Variants in ROR1 observed in about 807,000 individuals in gnomAD.
The protein encoded by ROR1 is ROR family WNT receptor 1, also known as inactive tyrosine-protein kinase transmembrane receptor ROR1.
Under a neutral mutation model 78.8 loss-of-function variants are expected in ROR1, and 19 were observed. The ratio of observed to expected loss-of-function variants is 0.24; its 90% CI spans 0.17 to 0.35. The LOEUF (loss-of-function observed/expected upper bound fraction) is 0.35, where lower values mean the gene tolerates loss of function less well. ROR1 is among the 10% of genes least tolerant of loss of function. The probability of loss-of-function intolerance (pLI) is 1.00; values close to 1 mark genes in which losing one functional copy is unlikely to be tolerated. For synonymous variants in ROR1, 386 were observed against 433.6 expected (o/e 0.89, Z 1.36); for missense variants, 917 against 1,177.8 (o/e 0.78, Z 3.24).
intron 1 of ROR1, among the ~76,000 whole-genome samples, chr1:63,852,717 G>A (rs1645122104): frequency 6.6e-6 from 1 of 152,232 alleles, no homozygotes; most frequent in Non-Finnish European, 1.5e-5. Flanking sequence ...TTCACTGGGA[G>A]AGTGTAGTTG....
In ROR1 at chr1:64,059,365, T is replaced by C. The variant is rs560040348; in HGVS notation, c.482+8649T>C. Among the ~76,000 whole-genome samples, 8 of 152,316 alleles carry C rather than the reference T, an allele frequency of 5.3e-5. No homozygotes were observed. The South Asian group carries it at 8.3e-4, about 16-fold the overall frequency. ...GTTTTTGCCGTTTGTTTGGTGAATT[T>C]CCTGAATTAATTCTGTATAGTCTGT... On this transcript the variant is annotated intron_variant, in intron 4 of 8. Coordinates refer to ENST00000371079, the MANE Select transcript of ROR1 (RefSeq NM_005012.4).
intron 4 of ROR1, among the ~76,000 whole-genome samples, chr1:64,133,492 C>G (rs1648993683): frequency 6.6e-6 from 1 of 152,170 alleles, no homozygotes; most frequent in Non-Finnish European, 1.5e-5. Context: ...AAGGAGGAGA[C>G]CCTGGAGGTG....
intron 1 of ROR1, among the ~76,000 whole-genome samples, chr1:63,823,846 C>G (rs1644938344): frequency 6.6e-6 from 1 of 151,914 alleles, no homozygotes; most frequent in Non-Finnish European, 1.5e-5. Flanking sequence ...CTCCCGGGTT[C>G]AAGCCATTCT....
rs933760983 is a variant in ROR1 at position 63,774,480 on chromosome 1, G to C, written c.63G>C (p.Leu21=). The C allele has an allele frequency of 1.3e-4, 145 of 1,158,134 alleles. No individual in the cohort carries two copies. The highest frequency in any genetic ancestry group is 1.5e-4 in the Non-Finnish European group (140 of 945,454). 71.7% of individuals were successfully genotyped at this position (1,158,134 alleles called of 1,614,324 possible). The change falls in exon 1 of 9, where the codon CTG becomes CTC. Residue 21 remains leucine (L), a synonymous_variant. Transcript: ENST00000371079. This position sits in a 1 kb window ranked among gnomAD's most constrained non-coding sequence, Gnocchi z 5.7. The stretch of plus-strand genomic sequence containing the variant: ...TCCTGGCGCTGCTGGCCGCGCTGCT[G>C]CTGGCCGCACGCGGGGCTGCTGCCC... ...PPLLALLAAL[L]LAARGAAAQE...
Position 64,178,122 on chromosome 1 carries a change from A to T in ROR1, c.2081A>T (p.Tyr694Phe). The part of the protein sequence containing the change: ...EIFSFGLQPY[Y>F]GFSNQEVIEM... ...TTCAGTTTTGGACTCCAGCCATATT[A>T]TGGATTCAGTAACCAGGAAGTGATT... The change falls in exon 9 of 9, where the codon TAT becomes TTT. Residue 694 changes from tyrosine (Y) to phenylalanine (F), a missense_variant. Physicochemically the swap from Tyr to Phe is conservative, Grantham distance 22. Transcript: ENST00000371079. The surrounding 1 kb of genome is among the most constrained non-coding windows in gnomAD (Gnocchi z 4.3). 6.2e-7 allele frequency: 1 copy of T among 1,614,104 alleles called. No individual in the cohort carries two copies. The highest frequency in any genetic ancestry group is 1.1e-5 in the South Asian group (1 of 91,080).
chr1:64,126,345 C>A (rs960512164), intron 4 of ROR1, among the ~76,000 whole-genome samples: 1 of 152,108 alleles, frequency 6.6e-6, no homozygotes, highest in Non-Finnish European at 1.5e-5. Context: ...TGCCAGTGGA[C>A]TTTATACAAT....
chr1:64,128,197 G>A (rs1353222419), intron 4 of ROR1, among the ~76,000 whole-genome samples: 2 of 145,996 alleles, frequency 1.4e-5, no homozygotes, highest in Admixed American at 7.2e-5. Flanking sequence ...GCTCATGCCT[G>A]TAATCTCAGC....
intron 4 of ROR1, among the ~76,000 whole-genome samples, chr1:64,067,897 A>G (rs1203594601): frequency 1.3e-5 from 2 of 151,994 alleles, no homozygotes; most frequent in Non-Finnish European, 2.9e-5. Context: ...TATTTTTAGT[A>G]GAGACGGGGT....
At chr1:64,034,323 G>T (rs894541325) in intron 2 of ROR1, among the ~76,000 whole-genome samples, 1 of 151,830 alleles carries the variant, frequency 6.6e-6, no homozygotes. Flanking sequence ...AATTTTTTTA[G>T]CCACAGTACA....
chr1:63,843,166 C>T, intron 1 of ROR1: 4 of 1,073,206 alleles, frequency 3.7e-6, no homozygotes, highest in Non-Finnish European at 5.7e-6. Flanking sequence ...CTGCCAGATG[C>T]TCCAGGCAGG....
chr1:63,860,256 A>G (rs1270744591), intron 1 of ROR1, among the ~76,000 whole-genome samples: 1 of 152,170 alleles, frequency 6.6e-6, no homozygotes, highest in Non-Finnish European at 1.5e-5. Context: ...ATTGGATTTA[A>G]TTGGTTATGA....
intron 8 of ROR1, among the ~76,000 whole-genome samples, chr1:64,164,018 T>C (rs115833204): frequency 0.023 from 3,337 of 147,588 alleles, 45 homozygotes; most frequent in Middle Eastern, 0.053. Flanking sequence ...TTTGATATTC[T>C]TAACCACCAT....
chr1:64,054,343 C>A (rs866448989), intron 4 of ROR1, among the ~76,000 whole-genome samples: 1 of 151,928 alleles, frequency 6.6e-6, no homozygotes, highest in Non-Finnish European at 1.5e-5. Context: ...AGTGGCATGA[C>A]CTTGGCTCAC....
intron 1 of ROR1, among the ~76,000 whole-genome samples, chr1:63,937,359 T>G (rs1302843316): frequency 1.3e-5 from 2 of 152,208 alleles, no homozygotes; most frequent in Non-Finnish European, 2.9e-5. Context: ...GACTTGCTCT[T>G]CTTCCACTCT....
At chr1:64,079,178 C>T (rs932701907) in intron 4 of ROR1, among the ~76,000 whole-genome samples, 1 of 152,126 alleles carries the variant, frequency 6.6e-6, no homozygotes, top group South Asian at 2.1e-4. Context: ...AGATTCTCTA[C>T]CCCCAAACAT....
intron 1 of ROR1, among the ~76,000 whole-genome samples, chr1:63,946,536 C>T (rs753726666): frequency 1.3e-5 from 2 of 152,158 alleles, no homozygotes; most frequent in Non-Finnish European, 2.9e-5. Context: ...TCAACATATA[C>T]TAATTGAGCA....
chr1:63,993,306 G>A lies in ROR1; in HGVS notation c.92-15999G>A, dbSNP rs145405617. ...AAGAAACACTTGTCATTTGACAGAG[G>A]AATCTTTGAGAATTGAACTCTTTTT... On this transcript the variant is annotated intron_variant, in intron 1 of 8. Transcript: ENST00000371079. Among the ~76,000 whole-genome samples, 324 of 152,234 alleles carry A rather than the reference G, an allele frequency of 2.1e-3. 5 individuals are homozygous for A. Among genetic ancestry groups the A allele is most frequent in the Admixed American group, 0.019 (289 of 15,290 alleles).
chr1:63,843,112 G>A lies in ROR1; in HGVS notation c.91+68604G>A. ...GGGATCCCCCCAGCCCCTCTGGTCT[G>A]GGAGGAAGGGGACGGCCTGCAACCC... is the stretch of plus-strand genomic sequence containing the variant. On this transcript the variant is annotated intron_variant, in intron 1 of 8. Coordinates refer to ENST00000371079, the MANE Select transcript of ROR1 (RefSeq NM_005012.4). The A allele has an allele frequency of 1.3e-5, 8 of 632,512 alleles. 1 individual carries two copies. The South Asian group carries it at 1.4e-4, about 11-fold the overall frequency. 39.2% of individuals were successfully genotyped at this position (632,512 alleles called of 1,614,324 possible). A position where few individuals can be genotyped will look rare whatever the true frequency, so the allele number is the denominator to read the frequency against.
intron 1 of ROR1, among the ~76,000 whole-genome samples, chr1:63,850,630 CTG>C (rs1223005854): frequency 1.3e-5 from 2 of 152,178 alleles, no homozygotes; most frequent in African/African-American, 2.4e-5. Flanking sequence ...AGAGCAAAGA[CTG>C]GAGATTTTTT....
Sources: allele counts gnomAD v4.1 joint callset (sites outside exome capture counted in the v4.1 genomes callset), GRCh38; gene constraint gnomAD v4.1.1; non-coding constraint Gnocchi (gnomAD v3.1); transcripts MANE v1.5; gene names NCBI Gene and HGNC (gene_info 2026-07-23, HGNC 2026-07-21).